SHCBP1L: variants seen among roughly 807,000 people sequenced by gnomAD.
SHCBP1L encodes the protein testicular spindle-associated protein SHCBP1L.
SHCBP1L carries 67 observed loss-of-function variants against 62.5 expected under a neutral mutation model. That is an observed-to-expected ratio of 1.07 (90% CI 0.88 to 1.31). The LOEUF (loss-of-function observed/expected upper bound fraction) is 1.31. Among genes scored for constraint, SHCBP1L ranks in the 40% most tolerant of loss-of-function variants. SHCBP1L has a pLI of 0.00. For synonymous variants in SHCBP1L, 284 were observed against 289.4 expected (o/e 0.98, Z 0.19); for missense variants, 823 against 809.8 (o/e 1.02, Z -0.20).
intron 2 of SHCBP1L, among the ~76,000 whole-genome samples, chr1:182,941,615 T>C (rs975515109): frequency 1.3e-5 from 2 of 152,152 alleles, no homozygotes; most frequent in African/African-American, 4.8e-5. Flanking sequence ...AAAACAGGAC[T>C]ACCACAACCA....
intron 6 of SHCBP1L, among the ~76,000 whole-genome samples, chr1:182,918,979 C>T (rs1650441521): frequency 6.6e-6 from 1 of 152,116 alleles, no homozygotes; most frequent in Admixed American, 6.6e-5. Context: ...AAACCCAACA[C>T]CATATACAAA....
intron 3 of SHCBP1L, 91 bp from the exon 4 acceptor site, chr1:182,939,644 C>T: frequency 3.2e-6 from 3 of 945,526 alleles, no homozygotes; most frequent in Non-Finnish European, 4.6e-6. Flanking sequence ...AATTCTCTAC[C>T]TCAATCTTAA....
intron 9 of SHCBP1L, 118 bp from the exon 10 acceptor site, chr1:182,900,352 C>A: frequency 1.2e-6 from 1 of 814,762 alleles, no homozygotes; most frequent in Non-Finnish European, 1.8e-6. Flanking sequence ...TTAAAACAAC[C>A]AAGACTCTCA....
At chr1:182,922,876 TAGA>T (rs1017361272) in intron 6 of SHCBP1L, among the ~76,000 whole-genome samples, 2 of 151,906 alleles carry the variant, frequency 1.3e-5, no homozygotes, top group Non-Finnish European at 2.9e-5. Context: ...ATCCCAAAGC[TAGA>T]AGAAGAAAAA....
intron 6 of SHCBP1L, among the ~76,000 whole-genome samples, chr1:182,922,797 G>C (rs555042982): frequency 1.7e-3 from 253 of 152,104 alleles, no homozygotes; most frequent in Non-Finnish European, 2.8e-3. Flanking sequence ...CACATCAAAA[G>C]GTTAGAAAGA....
chr1:182,927,466 A>G (rs1269097796), intron 6 of SHCBP1L, among the ~76,000 whole-genome samples: 2 of 152,136 alleles, frequency 1.3e-5, no homozygotes, highest in East Asian at 3.9e-4. Context: ...AGGTCAGGAG[A>G]TCGAGACCAT....
At chr1:182,912,490 C>G (rs1028085527) in intron 6 of SHCBP1L, among the ~76,000 whole-genome samples, 1 of 151,982 alleles carries the variant, frequency 6.6e-6, no homozygotes, top group Non-Finnish European at 1.5e-5. Flanking sequence ...GATACCTTCC[C>G]CTACACACCT....
chr1:182,913,691 C>T (rs879725671), intron 6 of SHCBP1L, among the ~76,000 whole-genome samples: 25 of 152,062 alleles, frequency 1.6e-4, no homozygotes, highest in Middle Eastern at 3.4e-3. Flanking sequence ...CAATTAAAAT[C>T]CAAAGATAGG....
intron 6 of SHCBP1L, 36 bp from the exon 7 acceptor site, chr1:182,905,685 A>G (rs1453760122): frequency 4.4e-6 from 7 of 1,588,388 alleles, no homozygotes; most frequent in South Asian, 1.1e-5. Flanking sequence ...TTTCAATAAT[A>G]GGTTAAACTG....
intron 6 of SHCBP1L, among the ~76,000 whole-genome samples, chr1:182,925,868 T>C (rs1300828837): frequency 6.6e-6 from 1 of 152,208 alleles, no homozygotes; most frequent in East Asian, 1.9e-4. Flanking sequence ...AAGGATATTA[T>C]TCAGCCAGAA....
chr1:182,930,697 G>GTATATATA (rs1167360510), intron 5 of SHCBP1L, among the ~76,000 whole-genome samples: 2 of 70,954 alleles, frequency 2.8e-5, no homozygotes, highest in African/African-American at 1.8e-4. Flanking sequence ...GTGTGTGTGT[G>GTATATATA]TGTGTGTATA....
At chr1:182,917,655 C>G (rs77002778) in intron 6 of SHCBP1L, among the ~76,000 whole-genome samples, 110 of 152,276 alleles carry the variant, frequency 7.2e-4, no homozygotes, top group African/African-American at 2.6e-3. Context: ...GTTTTGCTCC[C>G]TCTTCACATG....
intron 2 of SHCBP1L, among the ~76,000 whole-genome samples, chr1:182,945,629 C>T (rs1215335347): frequency 6.6e-6 from 1 of 152,176 alleles, no homozygotes; most frequent in Non-Finnish European, 1.5e-5. Context: ...ACTTTTGAGA[C>T]CTCACATATT....
At chr1:182,949,117 T>C (rs1224459726) in intron 2 of SHCBP1L, among the ~76,000 whole-genome samples, 1 of 152,102 alleles carries the variant, frequency 6.6e-6, no homozygotes, top group Non-Finnish European at 1.5e-5. Context: ...TGAGTTTCCA[T>C]GGAACTTTAG....
chr1:182,936,507 C>CT (rs1651178976), intron 5 of SHCBP1L, among the ~76,000 whole-genome samples: 1 of 152,138 alleles, frequency 6.6e-6, no homozygotes, highest in African/African-American at 2.4e-5. Context: ...AATTATACTT[C>CT]TTTTTTTAAA....
At chr1:182,952,235 TACACACACAC>T (rs68031715) in intron 1 of SHCBP1L, among the ~76,000 whole-genome samples, 1 of 42,836 alleles carries the variant, frequency 2.3e-5, no homozygotes, top group Non-Finnish European at 3.7e-5. Context: ...TATATATATA[TACACACACAC>T]ACACACACAC....
In SHCBP1L at chr1:182,904,308, C is replaced by T. The variant is rs748415564; in HGVS notation, c.1459G>A (p.Gly487Ser). 5.6e-6 allele frequency: 9 copies of T among 1,613,994 alleles called. No individual in the cohort carries two copies. In the East Asian group the frequency reaches 2.0e-4, roughly 36 times the overall value. The change falls in exon 8 of 10, where the codon GGT becomes AGT. Residue 487 changes from glycine (G) to serine (S), a missense_variant. Coordinates refer to ENST00000367547, the MANE Select transcript of SHCBP1L (RefSeq NM_030933.4). ...LSLIQQGTVD[G>S]IVVVESGHMT... is the part of the protein sequence containing the mutation. ...TGACCAGACTCCACCACCACGATAC[C>T]ATCAACCGTCCCTTGTTGTATCAAA...
intron 5 of SHCBP1L, among the ~76,000 whole-genome samples, chr1:182,932,468 A>ATTATTTACTTAC (rs774122504): frequency 1.3e-5 from 2 of 151,028 alleles, no homozygotes; most frequent in African/African-American, 4.9e-5. Context: ...ATGGAATTTT[A>ATTATTTACTTAC]TTATTTATTT....
chr1:182,929,828 C>G, intron 5 of SHCBP1L, 76 bp from the exon 6 acceptor site: 1 of 977,456 alleles, frequency 1.0e-6, no homozygotes, highest in Non-Finnish European at 1.5e-6. Context: ...TAAATAAAAA[C>G]TTGGTACTAA....
Sources: gnomAD v4.1 joint callset for allele counts (sites outside exome capture counted in the v4.1 genomes callset) on GRCh38, gnomAD v4.1.1 for gene constraint, MANE v1.5 for transcripts, NCBI Gene and HGNC (gene_info 2026-07-23, HGNC 2026-07-21) for gene names.